CDKL5: variants seen among roughly 807,000 people sequenced by gnomAD.
The protein encoded by CDKL5 is cyclin dependent kinase like 5.
Under a neutral mutation model 61.7 loss-of-function variants are expected in CDKL5, and 8 were observed. The observed-to-expected ratio is 0.13, with a 90% CI of 0.08 to 0.23. The LOEUF is 0.23. Among genes scored for constraint, CDKL5 ranks in the 10% least tolerant of loss-of-function variants. The pLI is 1.00. For synonymous variants in CDKL5, 275 were observed against 272.3 expected (o/e 1.01, Z -0.10); for missense variants, 440 against 734.5 (o/e 0.60, Z 4.63).
intron 3 of CDKL5, among the ~76,000 whole-genome samples, chrX:18,542,426 C>G (rs1171030147): frequency 8.9e-6 from 1 of 111,870 alleles, no homozygotes; most frequent in Non-Finnish European, 1.9e-5. Flanking sequence ...GGTCTTTTGT[C>G]CTGCTAGGCT....
At chrX:18,625,005 A>T in intron 16 of CDKL5, 123 bp from the exon 17 acceptor site, 1 of 620,845 alleles carries the variant, frequency 1.6e-6, no homozygotes, top group Non-Finnish European at 2.7e-6. Flanking sequence ...TTCTATTTTT[A>T]CTGGGTTATT....
chrX:18,525,882 G>A (rs1340303193), intron 3 of CDKL5, among the ~76,000 whole-genome samples: 2 of 109,688 alleles, frequency 1.8e-5, no homozygotes, highest in East Asian at 5.7e-4. Context: ...GAGTAGTTGG[G>A]ATTGCAGGCT....
At chrX:18,504,166 C>T (rs757418417) in intron 1 of CDKL5, among the ~76,000 whole-genome samples, 11 of 108,814 alleles carry the variant, frequency 1.0e-4, no homozygotes, top group South Asian at 4.1e-4. Flanking sequence ...TGTCCGGTGG[C>T]GCAATCACAG....
In CDKL5 at chrX:18,625,146, C is replaced by G. The variant is rs779041423; in HGVS notation, c.2395C>G (p.Pro799Ala). 1 of 1,208,114 alleles carries G rather than the reference C, an allele frequency of 8.3e-7. No individual in the cohort carries two copies. The highest frequency in any genetic ancestry group is 2.2e-5 in the Admixed American group (1 of 45,868). The change falls in exon 17 of 18, where the codon CCT (proline) becomes GCT (alanine). Residue 799 changes from proline (P) to alanine (A), a missense_variant. Pro to Ala is a conservative substitution (Grantham distance 27, BLOSUM62 -1). Around this residue, in one of 2 missense-constraint regions of CDKL5, gnomAD observed 363 missense variants for 516.3 expected, o/e 0.70. Coordinates refer to ENST00000623535, the MANE Select transcript of CDKL5 (RefSeq NM_001323289.2). ...GCTCTAGGTACCCAATTCCGACAGC[C>G]CTGATCTTCTGACGTTGCAGAAATC... Reference protein sequence around the residue: ...KSQTVPNSDSPDLLTLQKSIH... With the variant: ...KSQTVPNSDSADLLTLQKSIH...
At chrX:18,452,148 C>T (rs1311559061) in intron 1 of CDKL5, among the ~76,000 whole-genome samples, 2 of 111,167 alleles carry the variant, frequency 1.8e-5, no homozygotes, top group Non-Finnish European at 3.8e-5. Context: ...TGGTAGAGTA[C>T]GGAAAATCAA....
rs144725387 is a variant in CDKL5, at chrX:18,649,915, C to T, written c.2798-495C>T. ...TGGGCAAAATTCTAACCTTGGGTGT[C>T]TCTGAGGCCCCTCCACTTTGAGCAT... On this transcript the variant is annotated intron_variant, in intron 20 of 21. Transcript: ENST00000379989. 3.6e-3 allele frequency among the ~76,000 whole-genome samples: 402 copies of T among 111,437 alleles called. 4 individuals carry two copies. The highest frequency in any genetic ancestry group is 0.012 in the African/African-American group (379 of 30,701).
Position 18,653,431 on chromosome X carries a change from G to A in CDKL5, c.2981-1G>A. 1 of 1,210,809 alleles carries A rather than the reference G, an allele frequency of 8.3e-7. No homozygotes were observed. The highest frequency in any genetic ancestry group is 1.7e-5 in the African/African-American group (1 of 57,767). ...CCCCGCTGTCCTTCTGTGCTTTCCA[G>A]GGTTCTCTTTCTTCGTGAGACACGT... On this transcript the variant is annotated splice_acceptor_variant, in intron 21 of 21. Coordinates refer to the CDKL5 transcript ENST00000379989. LOFTEE classifies it high-confidence loss of function.
chrX:18,545,844 A>C (rs1924174840), intron 3 of CDKL5, among the ~76,000 whole-genome samples: 1 of 112,259 alleles, frequency 8.9e-6, no homozygotes, highest in Non-Finnish European at 1.9e-5. Context: ...TTTCAAATTC[A>C]TATTGATTTA....
intron 14 of CDKL5, among the ~76,000 whole-genome samples, chrX:18,612,393 C>T (rs908439488): frequency 4.5e-5 from 5 of 111,174 alleles, no homozygotes; most frequent in African/African-American, 9.8e-5. Flanking sequence ...CCTGGCCGGG[C>T]GCGGTGGTTC....
rs1204561636 is a variant in CDKL5 at position 18,509,197 on chromosome X, G to GCACGCGCGCGCGCGCGCGCGCA, written c.65-1620_65-1619insGCGCGCGCGCGCGCGCGCACAC. Among the ~76,000 whole-genome samples, 4 of 64,308 alleles carry GCACGCGCGCGCGCGCGCGCGCA rather than the reference G, an allele frequency of 6.2e-5. No individual in the cohort carries two copies. The East Asian group carries it at 2.8e-3, about 44-fold the overall frequency. The allele number at this position is 64,308 out of a possible 115,157, so 55.8% of individuals were successfully genotyped here. ...AGAGAGCGAGACTGTCTCAAAACAC[G>GCACGCGCGCGCGCGCGCGCGCA]CACACACACACACACACACACACAC... On this transcript the variant is annotated intron_variant, in intron 2 of 17. Coordinates refer to ENST00000623535, the MANE Select transcript of CDKL5 (RefSeq NM_001323289.2).
chrX:18,541,903 CTAAAG>C (rs1309978148), intron 3 of CDKL5, among the ~76,000 whole-genome samples: 2 of 111,112 alleles, frequency 1.8e-5, no homozygotes, highest in African/African-American at 6.6e-5. Context: ...TGTAATTACT[CTAAAG>C]TATTTGTATG....
downstream of CDKL5, chrX:18,644,649 C>T (rs375701039): frequency 2.0e-5 from 24 of 1,195,205 alleles, no homozygotes; most frequent in Middle Eastern, 2.6e-4. Context: ...ACCGAGTCAC[C>T]GAGAGACTCC....
Position 18,628,658 on chromosome X carries a change from A to T in CDKL5, c.2784A>T (p.Glu928Asp). ...RSATEGPSYS[E>D]QLGAKSGPNG... ...CCACAGAGGGCCCTTCCTACTCTGA[A>T]CAGCTGGGTGCCAAAAGTGGGCCAA... is the stretch of plus-strand genomic sequence containing the variant. The change falls in exon 18 of 18, where the codon GAA becomes GAT. Residue 928 changes from glutamate (E) to aspartate (D), a missense_variant. Coordinates refer to ENST00000623535, the MANE Select transcript of CDKL5 (RefSeq NM_001323289.2). 8.3e-7 allele frequency: 1 copy of T among 1,207,300 alleles called. No homozygotes were observed. Among genetic ancestry groups the T allele is most frequent in the Non-Finnish European group, 1.1e-6 (1 of 892,960 alleles).
chrX:18,535,309 A>G (rs760406985), intron 3 of CDKL5: 1 of 114,394 alleles, frequency 8.7e-6, no homozygotes, highest in African/African-American at 3.2e-5. Context: ...GGTTCTGCAG[A>G]TAATACTTGT....
chrX:18,485,559 C>T (rs754053674), intron 1 of CDKL5, among the ~76,000 whole-genome samples: 47 of 111,945 alleles, frequency 4.2e-4, no homozygotes, highest in African/African-American at 1.5e-3. Flanking sequence ...GTTTTATTAA[C>T]GATTCATGGA....
chrX:18,564,439 T>G, intron 3 of CDKL5, 38 bp from the exon 4 acceptor site: 2 of 1,078,860 alleles, frequency 1.9e-6, no homozygotes, highest in Non-Finnish European at 2.6e-6. Context: ...GGAAAAACAC[T>G]GGAGAATGAC....
intron 1 of CDKL5, among the ~76,000 whole-genome samples, chrX:18,438,073 TC>T (rs1931648064): frequency 8.9e-6 from 1 of 111,892 alleles, no homozygotes. Context: ...TTCTTTCTTT[TC>T]TTTTTTTTTG....
At chrX:18,429,132 A>G (rs956490657) in intron 1 of CDKL5, among the ~76,000 whole-genome samples, 2 of 111,458 alleles carry the variant, frequency 1.8e-5, no homozygotes, top group African/African-American at 6.5e-5. Flanking sequence ...GTGGGCGTGA[A>G]AGCTGAGGGT....
Position 18,635,298 on chromosome X carries a change from C to G in CDKL5, c.*6541C>G, listed in dbSNP as rs184295101. ...CAAATATCTATTCCGTGATAACCTT[C>G]ATTATCAGCATGAAATGGTTAATTT... On this transcript the variant is annotated 3_prime_UTR_variant, in exon 18 of 18. Transcript: ENST00000623535. The G allele has an allele frequency of 1.3e-6, 1 of 742,031 alleles. No homozygotes were observed. Among genetic ancestry groups the G allele is most frequent in the East Asian group, 1.5e-4 (1 of 6,560 alleles). 61.2% of individuals were successfully genotyped at this position (742,031 alleles called of 1,213,427 possible). A position where few individuals can be genotyped will look rare whatever the true frequency, so the allele number is the denominator to read the frequency against.
Sources: allele counts gnomAD v4.1 joint callset (sites outside exome capture counted in the v4.1 genomes callset), GRCh38; gene constraint gnomAD v4.1.1; regional missense constraint gnomAD v4.1.1; transcripts MANE v1.5; gene names NCBI Gene and HGNC (gene_info 2026-07-23, HGNC 2026-07-21).